Variants in RTN4 observed in about 807,000 individuals in gnomAD.
RTN4 encodes the protein reticulon-4.
In RTN4, 32 loss-of-function variants were observed where a neutral mutation model predicts 90.4. The observed-to-expected ratio is 0.35, with a 90% confidence interval of 0.27 to 0.48. The LOEUF is 0.48. Among genes scored for constraint, RTN4 ranks in the 20% least tolerant of loss-of-function variants. RTN4 has a pLI of 0.99. For missense variants in RTN4, 1,706 were observed against 1,430.2 expected (o/e 1.19, Z -3.11); for synonymous variants, 629 against 552.5 (o/e 1.14, Z -1.94).
the RTN4 span, among the ~76,000 whole-genome samples, chr2:55,123,450 G>A: frequency 1.3e-5 from 2 of 152,076 alleles, no homozygotes; most frequent in Non-Finnish European, 1.5e-5. Flanking sequence ...TGCATCAGCA[G>A]AAAGATTATT....
At chr2:55,112,110 G>C (rs1004866260) in intron 1 of RTN4, among the ~76,000 whole-genome samples, 14 of 152,202 alleles carry the variant, frequency 9.2e-5, no homozygotes, top group African/African-American at 3.4e-4. Flanking sequence ...GGAGCTCAGA[G>C]GCTCTGAGAG....
chr2:55,043,445 C>G (rs989264907), intron 1 of RTN4, among the ~76,000 whole-genome samples: 1 of 152,122 alleles, frequency 6.6e-6, no homozygotes. Context: ...TAATAAGTTG[C>G]TTGAAGGTAT....
chr2:54,977,170 C>T (rs2104613601), intron 5 of RTN4, among the ~76,000 whole-genome samples: 1 of 152,354 alleles, frequency 6.6e-6, no homozygotes, highest in Admixed American at 6.5e-5. Flanking sequence ...CATTTCAAAA[C>T]TTTCCTGCAC....
At position 54,972,886 on chromosome 2, in the gene RTN4, T is replaced by A. The variant is rs1677212028; in HGVS notation, c.*270A>T. ...AACAAAGTAAAATATACAGGTTTTTTATTCCACCAGTGCCTCAGATAGATA... is the reference window on the plus strand; with the variant it reads ...AACAAAGTAAAATATACAGGTTTTTAATTCCACCAGTGCCTCAGATAGATA... On this transcript the variant is annotated 3_prime_UTR_variant, in exon 9 of 9. Transcript: ENST00000337526. The A allele has an allele frequency of 6.1e-6, 2 of 325,270 alleles. No homozygotes were observed. The highest frequency in any genetic ancestry group is 5.5e-6 in the Non-Finnish European group (1 of 182,926). 20.1% of individuals were successfully genotyped at this position (325,270 alleles called of 1,614,324 possible). A position where few individuals can be genotyped will look rare whatever the true frequency, so the allele number is the denominator to read the frequency against.
At chr2:55,119,729 C>G in the RTN4 span, among the ~76,000 whole-genome samples, 1 of 152,152 alleles carries the variant, frequency 6.6e-6, no homozygotes, top group Admixed American at 6.5e-5. Flanking sequence ...CCCAGGGCAA[C>G]CTTGCTCCCA....
the RTN4 span, among the ~76,000 whole-genome samples, chr2:55,135,407 A>G: frequency 6.6e-6 from 1 of 152,036 alleles, no homozygotes; most frequent in Non-Finnish European, 1.5e-5. Flanking sequence ...GGATTTCACC[A>G]TGTTGGCCAG....
At chr2:55,107,403 C>CAAAA (rs35664699) in intron 1 of RTN4, among the ~76,000 whole-genome samples, 25 of 101,202 alleles carry the variant, frequency 2.5e-4, no homozygotes, top group Admixed American at 6.2e-4. Flanking sequence ...GACTGAACCT[C>CAAAA]AAAAAAAAAA....
intron 1 of RTN4, among the ~76,000 whole-genome samples, chr2:55,034,990 G>C (rs1320334242): frequency 6.6e-6 from 1 of 151,926 alleles, no homozygotes; most frequent in Non-Finnish European, 1.5e-5. Flanking sequence ...AAAATAAAGA[G>C]GTACAGCTAA....
chr2:55,084,140 C>T (rs1226273480), intron 1 of RTN4, among the ~76,000 whole-genome samples: 1 of 152,080 alleles, frequency 6.6e-6, no homozygotes, highest in African/African-American at 2.4e-5. Flanking sequence ...ATGATTAAGC[C>T]TCCATAAAAA....
At chr2:55,116,770 T>C (rs1350205221), upstream of RTN4, among the ~76,000 whole-genome samples, 10 of 152,186 alleles carry the variant, frequency 6.6e-5, no homozygotes, top group African/African-American at 9.7e-5. Flanking sequence ...AGCAAGATTC[T>C]AGGGGAAAAG....
chr2:55,018,633 G>A (rs1451731372), intron 3 of RTN4, among the ~76,000 whole-genome samples: 1 of 151,824 alleles, frequency 6.6e-6, no homozygotes, highest in East Asian at 1.9e-4. Flanking sequence ...TAGGAACCAG[G>A]GTTCTCACTA....
intron 1 of RTN4, among the ~76,000 whole-genome samples, chr2:55,037,131 C>T (rs1484219866): frequency 2.0e-5 from 3 of 152,160 alleles, no homozygotes; most frequent in Admixed American, 6.6e-5. Context: ...CTAAATATCA[C>T]TCACTGTAAC....
At chr2:55,067,324 G>A (rs568049467) in intron 2 of RTN4, among the ~76,000 whole-genome samples, 1 of 152,000 alleles carries the variant, frequency 6.6e-6, no homozygotes, top group Admixed American at 6.6e-5. Context: ...AAGCACCATC[G>A]AAATGGAGTC....
upstream of RTN4, among the ~76,000 whole-genome samples, chr2:55,116,180 G>C (rs1668122770): frequency 7.1e-6 from 1 of 141,026 alleles, no homozygotes; most frequent in Non-Finnish European, 1.5e-5. Context: ...CCTCCCGCCT[G>C]GCCTCCCAAA....
At chr2:55,022,717 C>A (rs892372914) in intron 3 of RTN4, among the ~76,000 whole-genome samples, 4 of 152,098 alleles carry the variant, frequency 2.6e-5, no homozygotes, top group Non-Finnish European at 5.9e-5. Flanking sequence ...CTGCCATCAC[C>A]CTGGGTGACT....
At chr2:54,979,919 A>G (rs1018580504) in intron 5 of RTN4, among the ~76,000 whole-genome samples, 1 of 152,248 alleles carries the variant, frequency 6.6e-6, no homozygotes, top group Non-Finnish European at 1.5e-5. Flanking sequence ...AGGGAAACCA[A>G]TCAAGTACGT....
upstream of RTN4, among the ~76,000 whole-genome samples, chr2:55,116,976 C>A (rs992973425): frequency 1.3e-5 from 2 of 148,560 alleles, no homozygotes; most frequent in Non-Finnish European, 3.0e-5. Context: ...TGGGTTCAAG[C>A]AATTCTCCTG....
At chr2:54,978,739 CT>C (rs1184625716) in intron 5 of RTN4, among the ~76,000 whole-genome samples, 1 of 152,070 alleles carries the variant, frequency 6.6e-6, no homozygotes, top group Non-Finnish European at 1.5e-5. Flanking sequence ...TAAAAAGCTA[CT>C]TCCTATAAAT....
Position 55,064,233 on chromosome 2 carries a change from A to G in RTN4, c.-63+16256T>C, listed in dbSNP as rs538849116. On this transcript the variant is annotated intron_variant, in intron 2 of 3. Transcript: ENST00000427710. ...AAAAAAAAAAGAAAGAAAAGAAAAG[A>G]AAAAAGAAAACACATAACAGAAATT... Among the ~76,000 whole-genome samples the G allele has an allele frequency of 4.6e-5, 7 of 151,878 alleles. No homozygotes were observed. In the South Asian group the frequency reaches 1.5e-3, roughly 32 times the overall value.
Sources: gnomAD v4.1 joint callset for allele counts (sites outside exome capture counted in the v4.1 genomes callset) on GRCh38, gnomAD v4.1.1 for gene constraint, MANE v1.5 for transcripts, NCBI Gene and HGNC (gene_info 2026-07-23, HGNC 2026-07-21) for gene names.